Variants in ZNF665 observed in about 807,000 individuals in gnomAD.
The protein encoded by ZNF665 is zinc finger protein 665.
Under a neutral mutation model 7.9 loss-of-function variants are expected in ZNF665, and 6 were observed. That is an observed-to-expected ratio of 0.76 (90% CI 0.42 to 1.50). The LOEUF is 1.50. Among genes scored for constraint, ZNF665 ranks in the 40% most tolerant of loss-of-function variants. The probability of loss-of-function intolerance (pLI) is 0.01; values close to 1 mark genes in which losing one functional copy is unlikely to be tolerated. For missense variants in ZNF665, 819 were observed against 806.7 expected (o/e 1.02, Z -0.18); for synonymous variants, 242 against 274.5 (o/e 0.88, Z 1.17).
chr19:53,179,377 C>CAAA (rs35184690), intron 2 of ZNF665, among the ~76,000 whole-genome samples: 5 of 70,398 alleles, frequency 7.1e-5, no homozygotes, highest in Non-Finnish European at 1.3e-4. Flanking sequence ...GATTCCGTCT[C>CAAA]AAAAAAAAAA....
At position 53,163,113 on chromosome 19, in the gene ZNF665, A is replaced by G; in HGVS notation, c.*1340T>C. On this transcript the variant is annotated 3_prime_UTR_variant, in exon 4 of 4. Transcript: ENST00000396424. ...CAGTGGCATGATCTCGGCTCACCACAACCTCTGCCTCCCGGGTTCAAGCGA... is the reference window on the plus strand; with the variant it reads ...CAGTGGCATGATCTCGGCTCACCACGACCTCTGCCTCCCGGGTTCAAGCGA... 6.6e-6 allele frequency: 1 copy of G among 152,384 alleles called. No homozygotes were observed. The highest frequency in any genetic ancestry group is 1.5e-5 in the Non-Finnish European group (1 of 68,240). 9.4% of individuals were successfully genotyped at this position (152,384 alleles called of 1,614,324 possible). A position where few individuals can be genotyped will look rare whatever the true frequency, so the allele number is the denominator to read the frequency against.
At chr19:53,190,534 T>C (rs2090809031) in intron 1 of ZNF665, among the ~76,000 whole-genome samples, 1 of 152,234 alleles carries the variant, frequency 6.6e-6, no homozygotes, top group African/African-American at 2.4e-5. Flanking sequence ...CTAGTAGCTG[T>C]TGGCTACACT....
At chr19:53,189,951 T>C (rs145051894) in intron 1 of ZNF665, among the ~76,000 whole-genome samples, 6,686 of 152,264 alleles carry the variant, frequency 0.044, 416 homozygotes, top group African/African-American at 0.13. Flanking sequence ...CTCGCACTCT[T>C]GTCTTCTGGT....
chr19:53,167,658 G>A (rs2090626488), intron 3 of ZNF665, among the ~76,000 whole-genome samples: 1 of 149,944 alleles, frequency 6.7e-6, no homozygotes, highest in Non-Finnish European at 1.5e-5. Context: ...GTGTTAGCCA[G>A]GATGGTCTCG....
At chr19:53,175,671 C>A (rs4289099) in intron 2 of ZNF665, 100 bp from the exon 3 acceptor site, 1,104,674 of 1,381,464 alleles carry the variant, frequency 0.8, 442,898 homozygotes, top group East Asian at 0.94. Flanking sequence ...GTTCAATTCA[C>A]GTAAGCAGAC....
intron 3 of ZNF665, among the ~76,000 whole-genome samples, chr19:53,166,574 T>C (rs2090617512): frequency 6.6e-6 from 1 of 152,154 alleles, no homozygotes; most frequent in Non-Finnish European, 1.5e-5. Context: ...AAACATTCTG[T>C]GAACAAAACA....
chr19:53,190,512 T>C (rs1463633888), intron 1 of ZNF665, among the ~76,000 whole-genome samples: 1 of 151,612 alleles, frequency 6.6e-6, no homozygotes, highest in Non-Finnish European at 1.5e-5. Flanking sequence ...GATCTCAGTG[T>C]GCTACATGCT....
chr19:53,164,340 G>C lies in ZNF665; in HGVS notation c.*113C>G. 1 of 824,160 alleles carries C rather than the reference G, an allele frequency of 1.2e-6. No individual in the cohort carries two copies. The highest frequency in any genetic ancestry group is 1.8e-6 in the Non-Finnish European group (1 of 547,148). The allele number at this position is 824,160 out of a possible 1,614,324, so 51.1% of individuals were successfully genotyped here. A position where few individuals can be genotyped will look rare whatever the true frequency, so the allele number is the denominator to read the frequency against. ...TTTAGTAGAGACAGCGTTTCACCGT[G>C]TTGGCCAGCCTGGTCTCGAACTCGA... On this transcript the variant is annotated 3_prime_UTR_variant, in exon 4 of 4. Transcript: ENST00000396424.
intron 3 of ZNF665, 63 bp downstream of exon 3, chr19:53,175,382 A>G: frequency 1.3e-6 from 2 of 1,573,382 alleles, no homozygotes. Context: ...CAAGAGACTC[A>G]CAAGGGAAAA....
rs1258748379 is a variant in ZNF665 at position 53,164,683 on chromosome 19, A to G, written c.1807T>C (p.Cys603Arg). 2.5e-6 allele frequency: 4 copies of G among 1,612,846 alleles called. No homozygotes were observed. Among genetic ancestry groups the G allele is most frequent in the Non-Finnish European group, 3.4e-6 (4 of 1,178,948 alleles). Residue 603 changes from cysteine to arginine, a missense_variant, in exon 4 of 4, where the codon TGT (cysteine) becomes CGT (arginine). Coordinates refer to ENST00000396424, the MANE Select transcript of ZNF665 (RefSeq NM_024733.5). ...TGEKPYKCNECGKVFTQNSHL... is the reference protein window; with the variant it reads ...TGEKPYKCNERGKVFTQNSHL... ...GAATTTTGAGTGAAGACCTTGCCAC[A>G]TTCATTACATTTGTAAGGTTTTTCT...
At chr19:53,182,815 T>G in intron 2 of ZNF665, 69 bp downstream of exon 2, 1 of 1,609,926 alleles carries the variant, frequency 6.2e-7, no homozygotes, top group Non-Finnish European at 8.5e-7. Flanking sequence ...CAGAGAAGAT[T>G]CCCAACTCCA....
Position 53,182,687 on chromosome 19 carries a change from G to T in ZNF665, c.15+197C>A, listed in dbSNP as rs560660378. On this transcript the variant is annotated intron_variant, in intron 2 of 3. Transcript: ENST00000396424. ...CCTTCCCAGGTCCATGCCCCGTGCA[G>T]CCTCTTCCCAAGTTCATGTCACTGG... is the stretch of plus-strand genomic sequence containing the variant. 363 of 1,091,544 alleles carry T rather than the reference G, an allele frequency of 3.3e-4. 4 individuals carry two copies. In the South Asian group the frequency reaches 4.5e-3, roughly 14 times the overall value. The allele number at this position is 1,091,544 out of a possible 1,614,324, so 67.6% of individuals were successfully genotyped here.
chr19:53,184,194 G>A (rs910532146), intron 1 of ZNF665, among the ~76,000 whole-genome samples: 1 of 151,946 alleles, frequency 6.6e-6, no homozygotes, highest in East Asian at 1.9e-4. Context: ...AGGTTGCAGT[G>A]AGCCAAGATC....
chr19:53,169,995 C>T (rs1026827016), intron 3 of ZNF665, among the ~76,000 whole-genome samples: 7 of 145,642 alleles, frequency 4.8e-5, no homozygotes, highest in South Asian at 2.3e-4. Context: ...AATAAACATA[C>T]GTGTGCGTGT....
chr19:53,178,720 G>A (rs2146867582), intron 2 of ZNF665, among the ~76,000 whole-genome samples: 1 of 152,274 alleles, frequency 6.6e-6, no homozygotes, highest in Non-Finnish European at 1.5e-5. Flanking sequence ...GTTTTATGAA[G>A]AAAGAGACTT....
At position 53,183,087 on chromosome 19, in the gene ZNF665, C is replaced by T. The variant is rs191056401; in HGVS notation, c.-45-144G>A. The T allele has an allele frequency of 2.3e-4, 195 of 861,014 alleles. No homozygotes were observed. The East Asian group carries it at 4.4e-3, about 19-fold the overall frequency. The allele number at this position is 861,014 out of a possible 1,614,324, so 53.3% of individuals were successfully genotyped here. ...TATACACAGGGAAGATGGTCCTCTG[C>T]TGCCCACTGCACCAGAAAAGATGCA... On this transcript the variant is annotated intron_variant, in intron 1 of 3. Transcript: ENST00000396424.
Position 53,184,957 on chromosome 19 carries a change from T to C in ZNF665, c.-45-2014A>G, listed in dbSNP as rs181098566. On this transcript the variant is annotated intron_variant, in intron 1 of 3. Transcript: ENST00000396424. ...GGAGAAAGAGAGAAACAGCTTACACTATTATTTCTGCTTATCAGAGACTTT... is the reference window on the plus strand; with the variant it reads ...GGAGAAAGAGAGAAACAGCTTACACCATTATTTCTGCTTATCAGAGACTTT... Among the ~76,000 whole-genome samples the C allele has an allele frequency of 1.1e-3, 163 of 152,294 alleles. 3 individuals are homozygous for C. The East Asian group carries it at 0.025, about 23-fold the overall frequency.
At chr19:53,181,218 G>A (rs56128486) in intron 2 of ZNF665, 28,284 of 151,998 alleles carry the variant, frequency 0.19, 3,911 homozygotes, top group East Asian at 0.55. Flanking sequence ...TCAGGAATTC[G>A]AGACGATCCT....
chr19:53,183,551 C>T (rs1260250373), intron 1 of ZNF665, among the ~76,000 whole-genome samples: 1 of 151,546 alleles, frequency 6.6e-6, no homozygotes, highest in Non-Finnish European at 1.5e-5. Flanking sequence ...TCCCTGGGGG[C>T]CTTGTCATCA....
Sources: gnomAD v4.1 joint callset for allele counts (sites outside exome capture counted in the v4.1 genomes callset) on GRCh38, gnomAD v4.1.1 for gene constraint, MANE v1.5 for transcripts, NCBI Gene and HGNC (gene_info 2026-07-23, HGNC 2026-07-21) for gene names.